Variants in SORT1 observed in about 807,000 individuals in gnomAD.
SORT1 encodes the protein sortilin 1, also known as sortilin.
In SORT1, 39 loss-of-function variants were observed where a neutral mutation model predicts 101.7. The observed-to-expected ratio is 0.38, with a 90% CI of 0.30 to 0.50. The LOEUF (loss-of-function observed/expected upper bound fraction) is 0.50, where lower values mean the gene tolerates loss of function less well. Among genes scored for constraint, SORT1 ranks in the 20% least tolerant of loss-of-function variants. The probability of loss-of-function intolerance (pLI) is 0.90; values close to 1 mark genes in which losing one functional copy is unlikely to be tolerated. For missense variants in SORT1, 878 were observed against 1,040.4 expected, an observed-to-expected ratio of 0.84 and a Z score of 2.15; for synonymous variants, 396 against 393.7, an observed-to-expected ratio of 1.01 and a Z score of -0.07.
intron 1 of SORT1, among the ~76,000 whole-genome samples, chr1:109,388,229 C>CTA (rs1652698992): frequency 1.3e-5 from 2 of 151,820 alleles, no homozygotes; most frequent in Admixed American, 1.3e-4. Flanking sequence ...CACTACCTAC[C>CTA]CCTAATAAAT....
Position 109,397,915 on chromosome 1 carries a change from C to T in SORT1, c.-23G>A. 8.8e-7 allele frequency: 1 copy of T among 1,137,058 alleles called. No homozygotes were observed. The highest frequency in any genetic ancestry group is 1.1e-6 in the Non-Finnish European group (1 of 929,498). The allele number at this position is 1,137,058 out of a possible 1,614,324, so 70.4% of individuals were successfully genotyped here. ...CATCGCCGCCGAATGCCGCCGACGCCGACACCTGCCGCCCGGCGCGCCCGC... is the reference window on the plus strand; with the variant it reads ...CATCGCCGCCGAATGCCGCCGACGCTGACACCTGCCGCCCGGCGCGCCCGC... On this transcript the variant is annotated 5_prime_UTR_variant, in exon 1 of 20. Transcript: ENST00000256637.
In SORT1 at chr1:109,369,566, G is replaced by A; in HGVS notation, c.330C>T (p.Gly110=). 6.2e-7 allele frequency: 1 copy of A among 1,609,614 alleles called. No homozygotes were observed. The highest frequency in any genetic ancestry group is 8.5e-7 in the Non-Finnish European group (1 of 1,175,978). ...THQHVFDDLR[G]SVSLSWVGDS... ...CTCCAACCCAGGACAAGGATACTGA[G>A]CCTCTGAGATCATCAAACACATGCT... The change falls in exon 2 of 20, where the codon GGC becomes GGT. Residue 110 remains glycine (G), a synonymous_variant. Coordinates refer to ENST00000256637, the MANE Select transcript of SORT1 (RefSeq NM_002959.7).
chr1:109,326,895 T>A (rs1393212637), intron 13 of SORT1, 97 bp downstream of exon 13: 6 of 934,296 alleles, frequency 6.4e-6, no homozygotes, highest in Non-Finnish European at 7.6e-6. Flanking sequence ...ATGCAAAAAT[T>A]TGAATTATAG....
Position 109,323,104 on chromosome 1 carries a change from T to C in SORT1, c.1852A>G (p.Thr618Ala), listed in dbSNP as rs762591202. The change falls in exon 15 of 20, where the codon ACC (threonine) becomes GCC (alanine). Residue 618 changes from threonine (T) to alanine (A), a missense_variant. Physicochemically the swap from Thr to Ala is moderately conservative, Grantham distance 58. Coordinates refer to ENST00000256637, the MANE Select transcript of SORT1 (RefSeq NM_002959.7). ...TCTGTGGAGTGTGCCAGCCATATGG[T>C]ATAGTCCTTCTCTTCACCTAAAGGA... ...LERNCEEKDY[T>A]IWLAHSTDPE... 2 of 1,613,848 alleles carry C rather than the reference T, an allele frequency of 1.2e-6. No homozygotes were observed. The highest frequency in any genetic ancestry group is 1.7e-6 in the Non-Finnish European group (2 of 1,179,752).
Position 109,336,952 on chromosome 1 carries a change from T to G in SORT1, c.1265-606A>C, listed in dbSNP as rs148416824. ...CCAACATGAACAGGCTGATGTCCAT[T>G]CTCCTTCCCTGTTTGCTTGCCTGGG... On this transcript the variant is annotated intron_variant, in intron 10 of 19. Transcript: ENST00000256637. Among the ~76,000 whole-genome samples, 222 of 152,280 alleles carry G rather than the reference T, an allele frequency of 1.5e-3. 1 individual carries two copies. The highest frequency in any genetic ancestry group is 0.014 in the East Asian group (73 of 5,180).
intron 15 of SORT1, among the ~76,000 whole-genome samples, chr1:109,319,276 C>T (rs1291337741): frequency 6.6e-6 from 1 of 152,126 alleles, no homozygotes. Context: ...CTGTTTACCC[C>T]AAAGAAACAA....
At chr1:109,382,958 G>A (rs762829187) in intron 1 of SORT1, among the ~76,000 whole-genome samples, 1 of 151,940 alleles carries the variant, frequency 6.6e-6, no homozygotes, top group African/African-American at 2.4e-5. Context: ...ATACCCCCTA[G>A]GTTCTGTTCA....
chr1:109,329,585 A>C (rs1308603704), intron 11 of SORT1, among the ~76,000 whole-genome samples: 4 of 152,224 alleles, frequency 2.6e-5, no homozygotes, highest in Non-Finnish European at 5.9e-5. Context: ...GACAAAATAG[A>C]CTTTAAGTAA....
chr1:109,353,930 A>C (rs1226902204), intron 5 of SORT1, among the ~76,000 whole-genome samples: 1 of 152,194 alleles, frequency 6.6e-6, no homozygotes, highest in Non-Finnish European at 1.5e-5. Flanking sequence ...TATTTAATAC[A>C]TGAGGGTCAA....
chr1:109,316,095 A>G (rs971308687), intron 17 of SORT1, among the ~76,000 whole-genome samples: 1 of 152,098 alleles, frequency 6.6e-6, no homozygotes, highest in Non-Finnish European at 1.5e-5. Context: ...AAACCAGCCC[A>G]TTACCATAGC....
At chr1:109,321,487 T>C (rs565704294) in intron 15 of SORT1, among the ~76,000 whole-genome samples, 1 of 152,278 alleles carries the variant, frequency 6.6e-6, no homozygotes, top group South Asian at 2.1e-4. Context: ...GAGAACCCTT[T>C]ACAGTGTTAC....
At chr1:109,389,159 C>A (rs1186329385) in intron 1 of SORT1, among the ~76,000 whole-genome samples, 9 of 152,212 alleles carry the variant, frequency 5.9e-5, no homozygotes. Context: ...CCTGTGGGGG[C>A]TGTGACACAT....
At chr1:109,395,208 CTTTTTTTTTTTTTTTTTT>C (rs71069681) in intron 1 of SORT1, among the ~76,000 whole-genome samples, 5 of 42,606 alleles carry the variant, frequency 1.2e-4, no homozygotes, top group African/African-American at 1.8e-4. Context: ...AACGCAAAAA[CTTTTTTTTTTTTTTTTTT>C]TTTTTTTTTT....
chr1:109,345,605 G>A, intron 8 of SORT1, 146 bp downstream of exon 8: 1 of 669,920 alleles, frequency 1.5e-6, no homozygotes, highest in South Asian at 2.8e-5. Flanking sequence ...ATCAGCCTTT[G>A]CAAAAAGAAT....
intron 3 of SORT1, among the ~76,000 whole-genome samples, chr1:109,364,636 G>A (rs757145419): frequency 2.0e-5 from 3 of 152,232 alleles, no homozygotes; most frequent in African/African-American, 2.4e-5. Context: ...AATGCCAGGT[G>A]TTAGTAACAT....
Position 109,381,252 on chromosome 1 carries a change from CAT to C in SORT1, c.307-11665_307-11664del, listed in dbSNP as rs531798730. 2.6e-3 allele frequency among the ~76,000 whole-genome samples: 399 copies of C among 152,282 alleles called. 5 individuals carry two copies. The highest frequency in any genetic ancestry group is 9.1e-3 in the African/African-American group (378 of 41,546). ...GCTAACAACTATTGAACATTCCCCACATGTCATCTTCTGTGTTAGGTATCTTA... is the reference window on the plus strand; with the variant it reads ...GCTAACAACTATTGAACATTCCCCACGTCATCTTCTGTGTTAGGTATCTTA... On this transcript the variant is annotated intron_variant, in intron 1 of 19. Transcript: ENST00000256637.
In SORT1 at chr1:109,314,005, G is replaced by C; in HGVS notation, c.*38C>G. ...CACAGGGAGTGTAAGAGGTACTGTGGTTCCACCATCCATGCTGGGTCCAGC... is the reference window on the plus strand; with the variant it reads ...CACAGGGAGTGTAAGAGGTACTGTGCTTCCACCATCCATGCTGGGTCCAGC... On this transcript the variant is annotated 3_prime_UTR_variant, in exon 20 of 20. Coordinates refer to ENST00000256637, the MANE Select transcript of SORT1 (RefSeq NM_002959.7). The C allele has an allele frequency of 6.2e-7, 1 of 1,608,160 alleles. No homozygotes were observed. The highest frequency in any genetic ancestry group is 1.1e-5 in the South Asian group (1 of 90,930).
intron 5 of SORT1, among the ~76,000 whole-genome samples, chr1:109,352,498 T>A (rs1650035955): frequency 6.6e-6 from 1 of 152,220 alleles, no homozygotes; most frequent in Admixed American, 6.5e-5. Context: ...AATGTGAGCT[T>A]ACTGAGCTCC....
intron 8 of SORT1, among the ~76,000 whole-genome samples, chr1:109,343,653 T>C (rs892178924): frequency 1.3e-5 from 2 of 152,204 alleles, no homozygotes; most frequent in Admixed American, 1.3e-4. Flanking sequence ...CTGAATTCTT[T>C]TTTTATTTTT....
Sources: gnomAD v4.1 joint callset for allele counts (sites outside exome capture counted in the v4.1 genomes callset) on GRCh38, gnomAD v4.1.1 for gene constraint, MANE v1.5 for transcripts, NCBI Gene and HGNC (gene_info 2026-07-23, HGNC 2026-07-21) for gene names.